VPS13D: variants seen among roughly 807,000 people sequenced by gnomAD.
VPS13D encodes intermembrane lipid transfer protein VPS13D.
A neutral mutation model predicts 461.9 loss-of-function variants in VPS13D; 187 were observed. That is an observed-to-expected ratio of 0.40 (90% CI 0.36 to 0.46). The LOEUF is 0.46. Ranked by LOEUF, VPS13D falls within the 20% of genes least tolerant of loss-of-function variation. VPS13D has a pLI of 0.60. For missense variants in VPS13D, 4,711 were observed against 5,364.9 expected (o/e 0.88, Z 3.81); for synonymous variants, 1,951 against 1,986.3 (o/e 0.98, Z 0.47).
intron 20 of VPS13D, among the ~76,000 whole-genome samples, chr1:12,281,047 C>T (rs181632940): frequency 6.6e-6 from 1 of 151,196 alleles, no homozygotes; most frequent in Non-Finnish European, 1.5e-5. Flanking sequence ...AAGATTTTGC[C>T]ACATTTGTTT....
chr1:12,281,792 T>TGG (rs1641791619), intron 20 of VPS13D, among the ~76,000 whole-genome samples: 1 of 152,218 alleles, frequency 6.6e-6, no homozygotes, highest in Admixed American at 6.5e-5. Flanking sequence ...GGTTACAAAA[T>TGG]GGTCACTTTT....
chr1:12,473,177 T>C lies in VPS13D; in HGVS notation c.12662+12781T>C, dbSNP rs1645584525. ...ATCCTGGGTGCTGATGGGTGTTTTG[T>C]AGTTTCCAAGGGAAGTTGCTGAAAG... is the stretch of plus-strand genomic sequence containing the variant. On this transcript the variant is annotated intron_variant, in intron 67 of 69. Coordinates refer to ENST00000620676, the MANE Select transcript of VPS13D (RefSeq NM_015378.4). This position sits in a 1 kb window ranked among gnomAD's most constrained non-coding sequence, Gnocchi z 4.2. Among the ~76,000 whole-genome samples, 1 of 152,174 alleles carries C rather than the reference T, an allele frequency of 6.6e-6. No individual in the cohort carries two copies. The highest frequency in any genetic ancestry group is 1.9e-4 in the East Asian group (1 of 5,202).
At chr1:12,399,872 T>C (rs771947057) in intron 60 of VPS13D, among the ~76,000 whole-genome samples, 10 of 152,152 alleles carry the variant, frequency 6.6e-5, no homozygotes, top group Non-Finnish European at 1.2e-4. Context: ...TGTTTGGAAA[T>C]ATTTTTATGT....
At chr1:12,327,980 T>G in intron 36 of VPS13D, 126 bp downstream of exon 36, 1 of 951,858 alleles carries the variant, frequency 1.1e-6, no homozygotes, top group South Asian at 1.8e-5. Flanking sequence ...AGATAATAGT[T>G]TTACATATGT....
intron 37 of VPS13D, 47 bp from the exon 38 acceptor site, chr1:12,333,179 C>A: frequency 6.3e-7 from 1 of 1,593,840 alleles, no homozygotes; most frequent in Non-Finnish European, 8.5e-7. Flanking sequence ...CCCCTATAAA[C>A]TCTTGATATC....
intron 16 of VPS13D, among the ~76,000 whole-genome samples, chr1:12,269,233 G>C (rs936962441): frequency 1.3e-4 from 19 of 151,940 alleles, no homozygotes; most frequent in African/African-American, 4.4e-4. Context: ...CCTTTGAATC[G>C]GTACCTATCT....
At chr1:12,499,608 T>A (rs1646007624) in intron 68 of VPS13D, 2 of 985,438 alleles carry the variant, frequency 2.0e-6, no homozygotes, top group Non-Finnish European at 2.4e-6. Context: ...ATGAAACTCA[T>A]GAAATTCATA....
intron 22 of VPS13D, among the ~76,000 whole-genome samples, chr1:12,288,692 C>A (rs1642042694): frequency 1.3e-5 from 2 of 151,774 alleles, no homozygotes; most frequent in East Asian, 1.9e-4. Context: ...AAGGGGACAT[C>A]ATTAATATAA....
chr1:12,257,538 C>T (rs935824241), intron 9 of VPS13D, among the ~76,000 whole-genome samples: 3 of 152,104 alleles, frequency 2.0e-5, no homozygotes, highest in African/African-American at 7.2e-5. Flanking sequence ...TATAATAAAG[C>T]TTTTTAAAGA....
intron 68 of VPS13D, among the ~76,000 whole-genome samples, chr1:12,503,042 T>G: frequency 6.6e-6 from 1 of 152,140 alleles, no homozygotes; most frequent in African/African-American, 2.4e-5. Flanking sequence ...CAGTGTGGCT[T>G]GGGAGGACGT....
At chr1:12,386,123 C>T (rs943422453) in intron 59 of VPS13D, 62 bp from the exon 60 acceptor site, 3 of 1,540,132 alleles carry the variant, frequency 1.9e-6, no homozygotes, top group South Asian at 1.3e-5. Flanking sequence ...TTCTTATACT[C>T]TCCTGGATAC....
chr1:12,338,053 G>T, intron 39 of VPS13D, 178 bp from the exon 40 acceptor site: 1 of 483,596 alleles, frequency 2.1e-6, no homozygotes, highest in Non-Finnish European at 3.7e-6. Context: ...ATAAAAATGT[G>T]TTCACTTTGT....
intron 6 of VPS13D, 106 bp downstream of exon 6, chr1:12,249,445 C>T: frequency 2.3e-6 from 2 of 857,778 alleles, no homozygotes; most frequent in Non-Finnish European, 3.6e-6. Flanking sequence ...CATTCTTTTC[C>T]ATTGCCTTCT....
chr1:12,249,150 T>G, intron 5 of VPS13D, 73 bp from the exon 6 acceptor site: 1 of 1,271,760 alleles, frequency 7.9e-7, no homozygotes, highest in South Asian at 1.3e-5. Context: ...ATCTAAATGC[T>G]TTTTCTTTTT....
intron 2 of VPS13D, among the ~76,000 whole-genome samples, chr1:12,239,669 A>G (rs977301945): frequency 2.6e-5 from 4 of 152,192 alleles, no homozygotes; most frequent in African/African-American, 9.6e-5. Context: ...TTGTTTTTAT[A>G]AGCTCCGAAC....
chr1:12,318,534 G>A (rs898633854), intron 31 of VPS13D, among the ~76,000 whole-genome samples, 197 bp downstream of exon 31: 1 of 152,164 alleles, frequency 6.6e-6, no homozygotes, highest in Non-Finnish European at 1.5e-5. Context: ...TGAAGACTGC[G>A]GGGTCGCTTG....
intron 65 of VPS13D, among the ~76,000 whole-genome samples, chr1:12,449,992 GCACACAA>G (rs1304716696): frequency 1.3e-5 from 2 of 152,084 alleles, no homozygotes; most frequent in African/African-American, 4.8e-5. Flanking sequence ...AGGCGTGGTG[GCACACAA>G]CTGTAATCCC....
chr1:12,499,430 C>A lies in VPS13D; in HGVS notation c.12794+1799C>A, dbSNP rs1454476833. The A allele has an allele frequency of 4.1e-6, 4 of 984,292 alleles. No individual in the cohort carries two copies. The African/African-American group carries it at 7.0e-5, about 17-fold the overall frequency. The allele number at this position is 984,292 out of a possible 1,614,324, so 61.0% of individuals were successfully genotyped here. On this transcript the variant is annotated intron_variant, in intron 68 of 69. Transcript: ENST00000620676. Reference sequence around the variant, plus strand: ...CTTTTCACTTTCCTCCCCAACTCACCTCTATTCAAGTCGAACTATCTCTGG... The same window carrying A: ...CTTTTCACTTTCCTCCCCAACTCACATCTATTCAAGTCGAACTATCTCTGG...
chr1:12,465,480 A>T (rs1645470120), intron 67 of VPS13D, among the ~76,000 whole-genome samples: 1 of 152,236 alleles, frequency 6.6e-6, no homozygotes. Flanking sequence ...GTTTAAGAAT[A>T]CAGCCATCAG....
Sources: allele counts gnomAD v4.1 joint callset (sites outside exome capture counted in the v4.1 genomes callset), GRCh38; gene constraint gnomAD v4.1.1; non-coding constraint Gnocchi (gnomAD v3.1); transcripts MANE v1.5; gene names NCBI Gene and HGNC (gene_info 2026-07-23, HGNC 2026-07-21).